Variants in GOLGA4 observed in about 807,000 individuals in gnomAD.
The protein encoded by GOLGA4 is golgin subfamily A member 4.
Under a neutral mutation model 265.9 loss-of-function variants are expected in GOLGA4, and 169 were observed. The observed-to-expected ratio is 0.64, with a 90% CI of 0.56 to 0.72. The LOEUF is 0.72. Among genes scored for constraint, GOLGA4 ranks in the 30% least tolerant of loss-of-function variants. GOLGA4 has a pLI of 0.00. For missense variants in GOLGA4, 2,482 were observed against 2,483.4 expected (o/e 1.00, Z 0.01); for synonymous variants, 923 against 855.8 (o/e 1.08, Z -1.37).
At chr3:37,273,612 A>G (rs2096804971) in intron 2 of GOLGA4, 2 of 1,388,130 alleles carry the variant, frequency 1.4e-6, no homozygotes, top group Admixed American at 2.0e-5. Flanking sequence ...GTCTGTTACT[A>G]ATTGTTATTT....
At position 37,327,354 on chromosome 3, in the gene GOLGA4, A is replaced by G; in HGVS notation, c.5468A>G (p.Asn1823Ser). The G allele has an allele frequency of 1.2e-6, 2 of 1,613,944 alleles. No homozygotes were observed. The highest frequency in any genetic ancestry group is 1.7e-6 in the Non-Finnish European group (2 of 1,179,848). The change falls in exon 14 of 24, where the codon AAT becomes AGT. Residue 1823 changes from asparagine (N) to serine (S), a missense_variant. Around this residue, in one of 3 missense-constraint regions of GOLGA4, gnomAD observed 942 missense variants for 983.1 expected, o/e 0.96. Coordinates refer to ENST00000361924, the MANE Select transcript of GOLGA4 (RefSeq NM_002078.5). Reference sequence around the variant, plus strand: ...CATGTGGAAAAAGAAGGAGGTAAAAATAACATACAGGCAAAGCAAAACTTG... The same window carrying G: ...CATGTGGAAAAAGAAGGAGGTAAAAGTAACATACAGGCAAAGCAAAACTTG... ...AQHVEKEGGK[N>S]NIQAKQNLEN...
At chr3:37,364,276 T>C (rs1362768960) in intron 23 of GOLGA4, among the ~76,000 whole-genome samples, 1 of 152,198 alleles carries the variant, frequency 6.6e-6, no homozygotes, top group Non-Finnish European at 1.5e-5. Flanking sequence ...GTTTCACTCT[T>C]GTTGCCCAGG....
Position 37,325,872 on chromosome 3 carries a change from A to G in GOLGA4, c.3986A>G (p.Asn1329Ser), listed in dbSNP as rs776091683. Reference sequence around the variant, plus strand: ...GAAGCCTTACAGAAGGAAGGAGGCAATCAGCAACAGGCTGCTTCTGAAAAG... The same window carrying G: ...GAAGCCTTACAGAAGGAAGGAGGCAGTCAGCAACAGGCTGCTTCTGAAAAG... The part of the protein sequence containing the change: ...EKEALQKEGG[N>S]QQQAASEKES... Residue 1329 changes from asparagine to serine, a missense_variant, in exon 14 of 24, where the codon AAT (asparagine) becomes AGT (serine). By Grantham distance (46) the Asn-to-Ser change is conservative. Around this residue, in one of 3 missense-constraint regions of GOLGA4, gnomAD observed 1,536 missense variants for 1,483.7 expected, o/e 1.04. Coordinates refer to ENST00000361924, the MANE Select transcript of GOLGA4 (RefSeq NM_002078.5). The G allele has an allele frequency of 5.6e-6, 9 of 1,613,788 alleles. No individual in the cohort carries two copies. Among genetic ancestry groups the G allele is most frequent in the East Asian group, 2.2e-5 (1 of 44,834 alleles).
intron 16 of GOLGA4, among the ~76,000 whole-genome samples, chr3:37,330,960 G>C (rs975178096): frequency 9.9e-5 from 15 of 151,582 alleles, no homozygotes; most frequent in African/African-American, 3.4e-4. Context: ...GAACCTGGAA[G>C]GTGGAAGTTG....
chr3:37,340,927 G>C (rs530258909), intron 20 of GOLGA4, among the ~76,000 whole-genome samples: 12 of 152,184 alleles, frequency 7.9e-5, no homozygotes, highest in Admixed American at 2.6e-4. Context: ...CAGCACTTTG[G>C]GGGGCTGAGG....
chr3:37,362,689 TTTTTA>T (rs970037013), intron 23 of GOLGA4, among the ~76,000 whole-genome samples: 2 of 151,594 alleles, frequency 1.3e-5, no homozygotes, highest in African/African-American at 2.4e-5. Flanking sequence ...GGCACCTATT[TTTTTA>T]TTTTATTTTA....
intron 11 of GOLGA4, 129 bp downstream of exon 11, chr3:37,315,727 G>C: frequency 3.7e-6 from 3 of 813,148 alleles, no homozygotes; most frequent in Non-Finnish European, 5.9e-6. Flanking sequence ...TGATATTCAG[G>C]TTGTAAAATT....
intron 10 of GOLGA4, among the ~76,000 whole-genome samples, chr3:37,313,965 ATT>A (rs747977743): frequency 1.1e-4 from 16 of 143,338 alleles, no homozygotes; most frequent in Admixed American, 1.4e-4. Flanking sequence ...ACACACATGT[ATT>A]TTTTTTTTTT....
chr3:37,356,131 C>T (rs930666391), intron 22 of GOLGA4, among the ~76,000 whole-genome samples: 3 of 152,130 alleles, frequency 2.0e-5, no homozygotes, highest in Non-Finnish European at 4.4e-5. Flanking sequence ...ATCTCCTTCT[C>T]TACATGATCA....
chr3:37,261,007 A>G (rs937772267), intron 2 of GOLGA4, among the ~76,000 whole-genome samples: 2 of 145,760 alleles, frequency 1.4e-5, no homozygotes, highest in Non-Finnish European at 3.0e-5. Context: ...TCTCTACCAA[A>G]AAAAAAAAAA....
intron 13 of GOLGA4, among the ~76,000 whole-genome samples, chr3:37,322,857 T>C (rs1024311244): frequency 9.2e-5 from 14 of 152,164 alleles, no homozygotes; most frequent in African/African-American, 3.4e-4. Context: ...CAAATGATAA[T>C]TTTGAAGGTG....
chr3:37,261,830 A>G (rs2096770578), intron 2 of GOLGA4, among the ~76,000 whole-genome samples: 1 of 152,146 alleles, frequency 6.6e-6, no homozygotes, highest in South Asian at 2.1e-4. Context: ...CCAGCCTCAC[A>G]TTATCTTAGT....
Position 37,347,190 on chromosome 3 carries a change from C to A in GOLGA4, c.6473-3C>A. On this transcript the variant is annotated splice_polypyrimidine_tract_variant and splice_region_variant and intron_variant, in intron 20 of 23. Transcript: ENST00000361924. Reference sequence around the variant, plus strand: ...CAGTTTGATCTATTTTTTTATTTGGCAGGTGGCAATTTGTACCATACGGAT... The same window carrying A: ...CAGTTTGATCTATTTTTTTATTTGGAAGGTGGCAATTTGTACCATACGGAT... 6.3e-7 allele frequency: 1 copy of A among 1,580,924 alleles called. No homozygotes were observed. Among genetic ancestry groups the A allele is most frequent in the Non-Finnish European group, 8.7e-7 (1 of 1,152,080 alleles).
intron 2 of GOLGA4, among the ~76,000 whole-genome samples, chr3:37,260,002 A>C (rs1201004633): frequency 6.6e-6 from 1 of 152,132 alleles, no homozygotes; most frequent in African/African-American, 2.4e-5. Flanking sequence ...CTGCTACTGT[A>C]AACCATTTTA....
chr3:37,342,276 T>A (rs541183807), intron 20 of GOLGA4, among the ~76,000 whole-genome samples: 1 of 152,144 alleles, frequency 6.6e-6, no homozygotes, highest in Non-Finnish European at 1.5e-5. Flanking sequence ...CCTGGGAGGC[T>A]GGGGTTGCAG....
intron 2 of GOLGA4, among the ~76,000 whole-genome samples, chr3:37,267,826 G>A (rs2096787668): frequency 6.6e-6 from 1 of 152,138 alleles, no homozygotes; most frequent in Admixed American, 6.6e-5. Context: ...AGAACATTTC[G>A]GTACTTGAAC....
Position 37,289,235 on chromosome 3 carries a change from G to T in GOLGA4, c.526G>T (p.Gly176Cys). The T allele has an allele frequency of 1.3e-6, 2 of 1,573,596 alleles. No individual in the cohort carries two copies. Among genetic ancestry groups the T allele is most frequent in the East Asian group, 2.3e-5 (1 of 44,396 alleles). ...MLQREKKKLQ[G>C]ILSQSQDKSL... is the part of the protein sequence containing the mutation. ...GCTTTTTTTTCTCTCTCAATTAAAG[G>T]GTATATTAAGTCAGAGTCAGGATAA... Residue 176 changes from glycine to cysteine, a missense_variant and splice_region_variant, in exon 5 of 24, where the codon GGT (glycine) becomes TGT (cysteine). By Grantham distance (159) the Gly-to-Cys change is radical (BLOSUM62 -3). This residue lies in a region of GOLGA4 where 1,536 missense variants were observed against 1,483.7 expected (regional missense o/e 1.04). Coordinates refer to ENST00000361924, the MANE Select transcript of GOLGA4 (RefSeq NM_002078.5).
rs1347008991 is a variant in GOLGA4 at position 37,326,368 on chromosome 3, A to T, written c.4482A>T (p.Arg1494Ser). Residue 1494 changes from arginine to serine, a missense_variant, in exon 14 of 24, where the codon AGA becomes AGT. Around this residue, in one of 3 missense-constraint regions of GOLGA4, gnomAD observed 942 missense variants for 983.1 expected, o/e 0.96. Coordinates refer to ENST00000361924, the MANE Select transcript of GOLGA4 (RefSeq NM_002078.5). ...LKEELDQQNK[R>S]FDCLKGEMED... ...AAGAGCTTGATCAGCAAAATAAAAG[A>T]TTTGATTGTTTAAAGGGTGAAATGG... is the stretch of plus-strand genomic sequence containing the variant. 2.5e-6 allele frequency: 4 copies of T among 1,613,002 alleles called. No homozygotes were observed. The Admixed American group carries it at 6.7e-5, about 27-fold the overall frequency.
intron 10 of GOLGA4, among the ~76,000 whole-genome samples, chr3:37,314,162 T>C (rs2096930715): frequency 6.6e-6 from 1 of 151,950 alleles, no homozygotes; most frequent in South Asian, 2.1e-4. Flanking sequence ...GGTTTCACCA[T>C]GTTGGCCAGG....
Sources: gnomAD v4.1 joint callset for allele counts (sites outside exome capture counted in the v4.1 genomes callset) on GRCh38, gnomAD v4.1.1 for gene constraint, gnomAD v4.1.1 regional missense constraint, MANE v1.5 for transcripts, NCBI Gene and HGNC (gene_info 2026-07-23, HGNC 2026-07-21) for gene names.